The following TRHDE variants were observed in gnomAD, a reference collection of about 807,000 sequenced individuals.
TRHDE encodes the protein thyrotropin releasing hormone degrading enzyme, also known as thyrotropin-releasing hormone-degrading ectoenzyme.
Under a neutral mutation model 125.7 loss-of-function variants are expected in TRHDE, and 72 were observed. The ratio of observed to expected loss-of-function variants is 0.57; its 90% confidence interval spans 0.47 to 0.70. The LOEUF is 0.70. TRHDE is among the 30% of genes least tolerant of loss of function. The probability of loss-of-function intolerance (pLI) is 0.00; values close to 1 mark genes in which losing one functional copy is unlikely to be tolerated. For missense variants in TRHDE, 1,110 were observed against 1,327.1 expected, an observed-to-expected ratio of 0.84 and a Z score of 2.54; for synonymous variants, 509 against 509.1, an observed-to-expected ratio of 1.00 and a Z score of 0.00.
chr12:72,542,215 C>G, intron 6 of TRHDE, 76 bp from the exon 7 acceptor site: 1 of 1,091,226 alleles, frequency 9.2e-7, no homozygotes, highest in Middle Eastern at 2.4e-4. Flanking sequence ...ATGAAGTAGA[C>G]TAGATTTGAG....
At chr12:72,323,005 A>G (rs1048680450) in intron 2 of TRHDE, among the ~76,000 whole-genome samples, 3 of 152,056 alleles carry the variant, frequency 2.0e-5, no homozygotes, top group Non-Finnish European at 2.9e-5. Context: ...TCTAAAATCA[A>G]CAAGTAGAGC....
chr12:72,239,461 C>A (rs1878431763), intron 2 of TRHDE, among the ~76,000 whole-genome samples: 1 of 152,134 alleles, frequency 6.6e-6, no homozygotes. Context: ...AGTCTTTGCC[C>A]ATGCCTATGT....
chr12:72,294,912 C>T (rs143204502), intron 2 of TRHDE, among the ~76,000 whole-genome samples: 1 of 152,022 alleles, frequency 6.6e-6, no homozygotes, highest in African/African-American at 2.4e-5. Context: ...GCACACCCAG[C>T]AGTGCTGTGA....
intron 3 of TRHDE, among the ~76,000 whole-genome samples, chr12:72,424,732 G>A (rs987253109): frequency 1.3e-5 from 2 of 151,986 alleles, no homozygotes; most frequent in Admixed American, 6.6e-5. Context: ...TCATTCCCTT[G>A]TTGTTTTGTT....
intron 6 of TRHDE, among the ~76,000 whole-genome samples, chr12:72,529,560 C>T (rs1868436073): frequency 6.6e-6 from 1 of 152,128 alleles, no homozygotes; most frequent in Admixed American, 6.6e-5. Context: ...AATCCATCCC[C>T]CTATTCACAG....
chr12:72,154,536 T>G (rs1437236720), intron 2 of TRHDE, among the ~76,000 whole-genome samples: 1 of 152,222 alleles, frequency 6.6e-6, no homozygotes, highest in Non-Finnish European at 1.5e-5. Flanking sequence ...CTGATACTGG[T>G]TTTCCTTTCC....
chr12:72,408,525 C>T (rs952353515), intron 3 of TRHDE, among the ~76,000 whole-genome samples: 1 of 152,086 alleles, frequency 6.6e-6, no homozygotes, highest in African/African-American at 2.4e-5. Context: ...ATAAACCAAT[C>T]ACACACAAAT....
At chr12:72,581,829 G>A (rs117969839) in intron 12 of TRHDE, among the ~76,000 whole-genome samples, 1,857 of 151,220 alleles carry the variant, frequency 0.012, 18 homozygotes, top group Non-Finnish European at 0.021. Context: ...GGCACCGGGC[G>A]CAGTGGCTCA....
intron 1 of TRHDE, among the ~76,000 whole-genome samples, chr12:72,105,068 A>C (rs1213832773): frequency 6.6e-6 from 1 of 152,212 alleles, no homozygotes; most frequent in African/African-American, 2.4e-5. Flanking sequence ...GGGACTAACC[A>C]GCTGTGAGAG....
chr12:72,208,392 C>T (rs1417298825), intron 2 of TRHDE, among the ~76,000 whole-genome samples: 1 of 152,122 alleles, frequency 6.6e-6, no homozygotes, highest in Non-Finnish European at 1.5e-5. Context: ...AATATCCAAC[C>T]TGATATTCAT....
Position 72,273,036 on chromosome 12 carries a change from C to G in TRHDE, c.393C>G (p.Arg131=). 1 of 1,537,064 alleles carries G rather than the reference C, an allele frequency of 6.5e-7. No individual in the cohort carries two copies. The highest frequency in any genetic ancestry group is 8.7e-7 in the Non-Finnish European group (1 of 1,146,804). ...ADGGPSGFPE[R]GGNGSLPGSA... ...GTGGCCCCTCAGGCTTTCCGGAGCGCGGCGGCAACGGGAGCCTCCCTGGAT... is the reference window on the plus strand; with the variant it reads ...GTGGCCCCTCAGGCTTTCCGGAGCGGGGCGGCAACGGGAGCCTCCCTGGAT... Residue 131 remains arginine, a synonymous_variant, in exon 1 of 19, where the codon CGC becomes CGG. Coordinates refer to ENST00000261180, the MANE Select transcript of TRHDE (RefSeq NM_013381.3). The surrounding 1 kb of genome is among the most constrained non-coding windows in gnomAD (Gnocchi z 5.3).
chr12:72,575,115 T>C (rs2089006944), intron 10 of TRHDE, 140 bp from the exon 11 acceptor site: 2 of 778,492 alleles, frequency 2.6e-6, no homozygotes, highest in Non-Finnish European at 4.0e-6. Context: ...AAGTGATTAA[T>C]TAAAGAGTAG....
At chr12:72,313,726 T>G (rs1868655908) in intron 2 of TRHDE, among the ~76,000 whole-genome samples, 1 of 152,194 alleles carries the variant, frequency 6.6e-6, no homozygotes, top group South Asian at 2.1e-4. Context: ...TTGTGAAAGC[T>G]TTTGTTCAAT....
At chr12:72,350,476 G>A (rs955946610) in intron 2 of TRHDE, among the ~76,000 whole-genome samples, 7 of 151,990 alleles carry the variant, frequency 4.6e-5, no homozygotes, top group African/African-American at 1.7e-4. Context: ...CTGAGACTCA[G>A]GTAGGTTAAA....
chr12:72,487,560 TAAG>T (rs1426436133), intron 5 of TRHDE, among the ~76,000 whole-genome samples: 1 of 152,000 alleles, frequency 6.6e-6, no homozygotes, highest in Non-Finnish European at 1.5e-5. Context: ...CTTCAGAAAC[TAAG>T]GAGAAATAAA....
At chr12:72,368,026 T>G (rs1385541189) in intron 2 of TRHDE, among the ~76,000 whole-genome samples, 1 of 152,194 alleles carries the variant, frequency 6.6e-6, no homozygotes, top group Admixed American at 6.5e-5. Flanking sequence ...GTTTTTTTCT[T>G]TTTCTTGGCT....
intron 2 of TRHDE, among the ~76,000 whole-genome samples, chr12:72,335,117 C>T (rs1250469162): frequency 6.6e-6 from 1 of 152,142 alleles, no homozygotes; most frequent in Non-Finnish European, 1.5e-5. Context: ...GGTGACTATG[C>T]CCTGCTTCTG....
chr12:72,367,570 A>G (rs1388524652), intron 2 of TRHDE, among the ~76,000 whole-genome samples: 1 of 152,156 alleles, frequency 6.6e-6, no homozygotes, highest in African/African-American at 2.4e-5. Context: ...TGAATTTTAA[A>G]TAAGACTAAT....
chr12:72,106,886 T>G (rs974484690), intron 2 of TRHDE, among the ~76,000 whole-genome samples: 1 of 152,106 alleles, frequency 6.6e-6, no homozygotes, highest in Non-Finnish European at 1.5e-5. Context: ...AAATACTTTC[T>G]GATCTGTGAT....
Sources: gnomAD v4.1 joint callset for allele counts (sites outside exome capture counted in the v4.1 genomes callset) on GRCh38, gnomAD v4.1.1 for gene constraint, Gnocchi (gnomAD v3.1) non-coding constraint, MANE v1.5 for transcripts, NCBI Gene and HGNC (gene_info 2026-07-23, HGNC 2026-07-21) for gene names.